The following CLSTN2 variants were observed in gnomAD, a reference collection of about 807,000 sequenced individuals.
CLSTN2 encodes calsyntenin-2.
A neutral mutation model predicts 101.2 loss-of-function variants in CLSTN2; 48 were observed. That is an observed-to-expected ratio of 0.47 (90% CI 0.38 to 0.60). The LOEUF is 0.60. Among genes scored for constraint, CLSTN2 ranks in the 20% least tolerant of loss-of-function variants. The probability of loss-of-function intolerance (pLI) is 0.00; values close to 1 mark genes in which losing one functional copy is unlikely to be tolerated. For synonymous variants in CLSTN2, 481 were observed against 463.6 expected (o/e 1.04, Z -0.48); for missense variants, 1,160 against 1,238.2 (o/e 0.94, Z 0.95).
intron 2 of CLSTN2, among the ~76,000 whole-genome samples, chr3:140,267,060 G>T (rs1490228646): frequency 1.3e-5 from 2 of 152,162 alleles, no homozygotes; most frequent in East Asian, 1.9e-4. Flanking sequence ...GATTAAAGCT[G>T]CAAGATTTGG....
intron 6 of CLSTN2, among the ~76,000 whole-genome samples, chr3:140,455,786 T>C (rs1373728229): frequency 1.3e-5 from 2 of 152,244 alleles, no homozygotes; most frequent in Non-Finnish European, 2.9e-5. Flanking sequence ...TTGGAGAAAG[T>C]AAATCTTCTC....
At chr3:140,122,809 G>A (rs557942849) in intron 1 of CLSTN2, among the ~76,000 whole-genome samples, 5 of 152,148 alleles carry the variant, frequency 3.3e-5, no homozygotes, top group Admixed American at 6.5e-5. Flanking sequence ...ATATAGTTGC[G>A]GTCACATATT....
At chr3:139,949,505 T>G (rs1401048173) in intron 1 of CLSTN2, among the ~76,000 whole-genome samples, 1 of 152,084 alleles carries the variant, frequency 6.6e-6, no homozygotes, top group Non-Finnish European at 1.5e-5. Context: ...GCTGATACAT[T>G]CAAGATGGGG....
intron 10 of CLSTN2, 87 bp from the exon 11 acceptor site, chr3:140,556,426 G>C: frequency 7.7e-7 from 1 of 1,297,200 alleles, no homozygotes; most frequent in Non-Finnish European, 1.1e-6. Context: ...GGTGACCCTT[G>C]GTGCCCTGTA....
intron 2 of CLSTN2, among the ~76,000 whole-genome samples, chr3:140,329,848 T>C (rs1409479966): frequency 6.6e-6 from 1 of 152,174 alleles, no homozygotes; most frequent in East Asian, 1.9e-4. Flanking sequence ...ATTAGGCCAG[T>C]CATAAAATAT....
chr3:140,394,484 C>A (rs1452224175), intron 2 of CLSTN2, among the ~76,000 whole-genome samples: 2 of 152,210 alleles, frequency 1.3e-5, no homozygotes, highest in Non-Finnish European at 2.9e-5. Context: ...CTTCTTACAG[C>A]TACAGCACTT....
chr3:140,419,654 TATATATAC>T (rs2088475194), intron 4 of CLSTN2, among the ~76,000 whole-genome samples: 4 of 62,878 alleles, frequency 6.4e-5, no homozygotes, highest in Admixed American at 2.7e-4. Flanking sequence ...TATGTACACG[TATATATAC>T]ATATATGAAT....
At chr3:140,213,588 C>A (rs1339976180) in intron 2 of CLSTN2, among the ~76,000 whole-genome samples, 3 of 152,216 alleles carry the variant, frequency 2.0e-5, no homozygotes, top group Non-Finnish European at 2.9e-5. Flanking sequence ...AGAAGCAGAG[C>A]TGAATGCTGT....
At chr3:140,334,153 G>A (rs1412819695) in intron 2 of CLSTN2, among the ~76,000 whole-genome samples, 1 of 152,178 alleles carries the variant, frequency 6.6e-6, no homozygotes, top group Non-Finnish European at 1.5e-5. Flanking sequence ...TTCTGGAGGG[G>A]TGTCACAAAT....
At chr3:140,179,797 C>G (rs2010381327) in intron 2 of CLSTN2, among the ~76,000 whole-genome samples, 1 of 152,122 alleles carries the variant, frequency 6.6e-6, no homozygotes, top group African/African-American at 2.4e-5. Flanking sequence ...TTACCATTCT[C>G]TGACTGGCAG....
intron 8 of CLSTN2, among the ~76,000 whole-genome samples, chr3:140,494,999 A>C (rs1247424898): frequency 6.6e-6 from 1 of 152,196 alleles, no homozygotes; most frequent in African/African-American, 2.4e-5. Context: ...TTGCTGGGTC[A>C]AATTGTATTT....
At chr3:140,210,745 C>G (rs1340842578) in intron 2 of CLSTN2, among the ~76,000 whole-genome samples, 4 of 151,956 alleles carry the variant, frequency 2.6e-5, no homozygotes, top group Admixed American at 2.0e-4. Context: ...TTGGTGGACC[C>G]TGTTCATGCA....
intron 1 of CLSTN2, among the ~76,000 whole-genome samples, chr3:140,148,616 T>C (rs2009816482): frequency 6.6e-6 from 1 of 152,232 alleles, no homozygotes; most frequent in South Asian, 2.1e-4. Flanking sequence ...GCCAAACTCC[T>C]AAAAGAAACC....
chr3:140,104,992 CA>C (rs1560095993), intron 1 of CLSTN2, among the ~76,000 whole-genome samples: 1 of 151,364 alleles, frequency 6.6e-6, no homozygotes, highest in Non-Finnish European at 1.5e-5. Context: ...AATAAAAAAA[CA>C]AAAGGTAAAA....
intron 9 of CLSTN2, 119 bp downstream of exon 9, chr3:140,532,605 AC>A (rs1935280313): frequency 2.7e-6 from 2 of 743,734 alleles, no homozygotes; most frequent in Admixed American, 6.5e-5. Context: ...ACTACCCCTT[AC>A]AAAAAAAAAT....
At chr3:140,197,527 G>T (rs147891568) in intron 2 of CLSTN2, among the ~76,000 whole-genome samples, 1 of 152,288 alleles carries the variant, frequency 6.6e-6, no homozygotes, top group East Asian at 1.9e-4. Context: ...ACGCTGTCAG[G>T]TAAATGTTAG....
chr3:140,058,728 G>A (rs1468207614), intron 1 of CLSTN2, among the ~76,000 whole-genome samples: 3 of 152,048 alleles, frequency 2.0e-5, no homozygotes, highest in African/African-American at 2.4e-5. Flanking sequence ...GACTGACTCT[G>A]GGGGGCCTTG....
At chr3:140,443,653 T>G (rs974912217) in intron 5 of CLSTN2, among the ~76,000 whole-genome samples, 23 of 152,350 alleles carry the variant, frequency 1.5e-4, no homozygotes, top group African/African-American at 5.0e-4. Context: ...AAGTAGTCTC[T>G]AGGCCCCTTA....
chr3:140,211,425 C>CACACACACACACACACAG (rs2010853601), intron 2 of CLSTN2, among the ~76,000 whole-genome samples: 1 of 148,314 alleles, frequency 6.7e-6, no homozygotes, highest in Non-Finnish European at 1.5e-5. Context: ...CACACACACA[C>CACACACACACACACACAG]AGTATATATA....
Sources: allele counts gnomAD v4.1 joint callset (sites outside exome capture counted in the v4.1 genomes callset), GRCh38; gene constraint gnomAD v4.1.1; transcripts MANE v1.5; gene names NCBI Gene and HGNC (gene_info 2026-07-23, HGNC 2026-07-21).